The following GADL1 variants were observed in gnomAD, a reference collection of about 807,000 sequenced individuals.
GADL1 encodes the protein GAD like acidic amino acid decarboxylase 1, also known as acidic amino acid decarboxylase GADL1.
GADL1 carries 71 observed loss-of-function variants against 69.5 expected under a neutral mutation model. That is an observed-to-expected ratio of 1.02 (90% CI 0.84 to 1.25). GADL1 has a LOEUF of 1.25. Among genes scored for constraint, GADL1 ranks in the 50% most tolerant of loss-of-function variants. GADL1 has a pLI of 0.00. For missense variants in GADL1, 737 were observed against 631.8 expected (o/e 1.17, Z -1.79); for synonymous variants, 254 against 214.4 (o/e 1.18, Z -1.62).
intron 14 of GADL1, among the ~76,000 whole-genome samples, chr3:30,740,713 T>C (rs1347678102): frequency 6.6e-6 from 1 of 151,860 alleles, no homozygotes; most frequent in Non-Finnish European, 1.5e-5. Context: ...GAATGTCTTC[T>C]TTTTGTGAAA....
chr3:30,751,657 C>T (rs1003844126), intron 14 of GADL1, among the ~76,000 whole-genome samples: 7 of 152,046 alleles, frequency 4.6e-5, no homozygotes, highest in Non-Finnish European at 8.8e-5. Flanking sequence ...GGAATTATCT[C>T]CCTATAAGCC....
At chr3:30,801,307 TC>T (rs753109883) in intron 11 of GADL1, among the ~76,000 whole-genome samples, 2 of 152,106 alleles carry the variant, frequency 1.3e-5, no homozygotes, top group Admixed American at 6.6e-5. Flanking sequence ...AATGCTAAAA[TC>T]CATCTTCACA....
intron 14 of GADL1, among the ~76,000 whole-genome samples, chr3:30,760,304 C>T (rs1332124268): frequency 6.6e-6 from 1 of 152,140 alleles, no homozygotes; most frequent in Non-Finnish European, 1.5e-5. Context: ...CCTTACATCT[C>T]TTTGTGCCTT....
At chr3:30,868,986 G>A (rs1489638151) in intron 1 of GADL1, among the ~76,000 whole-genome samples, 1 of 151,702 alleles carries the variant, frequency 6.6e-6, no homozygotes, top group Non-Finnish European at 1.5e-5. Context: ...CGGTCCAAGA[G>A]AGTCTGAGAA....
intron 1 of GADL1, among the ~76,000 whole-genome samples, chr3:30,880,349 T>A (rs539695761): frequency 7.4e-4 from 113 of 152,038 alleles, no homozygotes; most frequent in African/African-American, 2.7e-3. Context: ...TGAACTGTAG[T>A]TCCCATAATC....
intron 14 of GADL1, among the ~76,000 whole-genome samples, chr3:30,761,479 T>C (rs1482732123): frequency 1.6e-5 from 2 of 122,656 alleles, no homozygotes; most frequent in Admixed American, 8.4e-5. Flanking sequence ...GGGATAGATA[T>C]GTTTATTTTT....
At chr3:30,836,501 A>T (rs772101511) in intron 9 of GADL1, among the ~76,000 whole-genome samples, 1 of 152,032 alleles carries the variant, frequency 6.6e-6, no homozygotes, top group African/African-American at 2.4e-5. Context: ...CACCTAAATG[A>T]TGGAGTTTGG....
intron 14 of GADL1, among the ~76,000 whole-genome samples, chr3:30,732,755 A>C (rs1037117857): frequency 6.6e-6 from 1 of 152,200 alleles, no homozygotes; most frequent in African/African-American, 2.4e-5. Flanking sequence ...ACAGTTTTTC[A>C]AAATACAAAG....
At chr3:30,881,625 A>G (rs1051003348) in intron 1 of GADL1, among the ~76,000 whole-genome samples, 2 of 152,052 alleles carry the variant, frequency 1.3e-5, no homozygotes, top group African/African-American at 4.8e-5. Context: ...TGAAGGGACA[A>G]ACAACTGGAC....
At chr3:30,798,400 AAGAAACGCAAAAGC>A (rs1337195901) in intron 12 of GADL1, 3 of 152,840 alleles carry the variant, frequency 2.0e-5, no homozygotes, top group Non-Finnish European at 4.4e-5. Context: ...GCAAGAGAAA[AAGAAACGCAAAAGC>A]AGAAACCCCT....
At chr3:30,746,987 C>T (rs981749857) in intron 14 of GADL1, among the ~76,000 whole-genome samples, 3 of 152,128 alleles carry the variant, frequency 2.0e-5, no homozygotes, top group Admixed American at 2.0e-4. Context: ...CAGGAATTTT[C>T]CACTCTTTAT....
At chr3:30,778,801 C>G (rs1285898359) in intron 13 of GADL1, 1 of 152,144 alleles carries the variant, frequency 6.6e-6, no homozygotes, top group South Asian at 2.1e-4. Flanking sequence ...GAAAAAAGAA[C>G]ATCACCTTGA....
intron 14 of GADL1, among the ~76,000 whole-genome samples, chr3:30,750,306 G>C (rs2134530): frequency 0.46 from 70,517 of 151,984 alleles, 17,584 homozygotes; most frequent in African/African-American, 0.65. Flanking sequence ...ATCCTTTTCA[G>C]TTTCAAAAAT....
At chr3:30,824,895 TTTA>T (rs1159347085) in intron 11 of GADL1, among the ~76,000 whole-genome samples, 4 of 151,912 alleles carry the variant, frequency 2.6e-5, no homozygotes, top group African/African-American at 9.7e-5. Context: ...AAGCTGTTCA[TTTA>T]TTTTATGCAT....
intron 12 of GADL1, among the ~76,000 whole-genome samples, chr3:30,786,943 G>T (rs1215194125): frequency 6.6e-6 from 1 of 151,682 alleles, no homozygotes; most frequent in Non-Finnish European, 1.5e-5. Context: ...AACTAACACA[G>T]AAACAGAAAA....
At chr3:30,757,728 AAGG>A (rs1468861423) in intron 14 of GADL1, among the ~76,000 whole-genome samples, 3 of 152,104 alleles carry the variant, frequency 2.0e-5, no homozygotes, top group African/African-American at 4.8e-5. Context: ...CAAGAATTTG[AAGG>A]AGTTCTACAA....
chr3:30,786,545 T>C, intron 12 of GADL1, 139 bp from the exon 13 acceptor site: 1 of 622,344 alleles, frequency 1.6e-6, no homozygotes, highest in Non-Finnish European at 2.9e-6. Flanking sequence ...GGCAGAGCTA[T>C]GGATAGATAA....
At chr3:30,728,751 C>G (rs1695408638) in intron 14 of GADL1, among the ~76,000 whole-genome samples, 2 of 152,182 alleles carry the variant, frequency 1.3e-5, no homozygotes, top group African/African-American at 4.8e-5. Context: ...AAGTGTAAAT[C>G]ATTATTCAAT....
At chr3:30,886,090 C>T (rs1698705689) in intron 1 of GADL1, among the ~76,000 whole-genome samples, 1 of 152,056 alleles carries the variant, frequency 6.6e-6, no homozygotes, top group African/African-American at 2.4e-5. Flanking sequence ...TGCAAAACTG[C>T]CCCATAATGC....
Sources: allele counts gnomAD v4.1 joint callset (sites outside exome capture counted in the v4.1 genomes callset), GRCh38; gene constraint gnomAD v4.1.1; transcripts MANE v1.5; gene names NCBI Gene and HGNC (gene_info 2026-07-23, HGNC 2026-07-21).